The following MYT1L variants were observed in gnomAD, a reference collection of about 807,000 sequenced individuals.
The protein encoded by MYT1L is myelin transcription factor 1-like protein.
MYT1L carries 12 observed loss-of-function variants against 126.7 expected under a neutral mutation model. The ratio of observed to expected loss-of-function variants is 0.09; its 90% CI spans 0.06 to 0.15. The LOEUF (loss-of-function observed/expected upper bound fraction) is 0.15. Ranked by LOEUF, MYT1L falls within the 10% of genes least tolerant of loss-of-function variation. MYT1L has a pLI of 1.00. For synonymous variants in MYT1L, 541 were observed against 604.2 expected (o/e 0.90, Z 1.53); for missense variants, 979 against 1,585.2 (o/e 0.62, Z 6.49).
intron 2 of MYT1L, among the ~76,000 whole-genome samples, chr2:2,190,066 A>G (rs1327636682): frequency 6.6e-6 from 1 of 152,168 alleles, no homozygotes; most frequent in Admixed American, 6.5e-5. Context: ...TCTCTCCCAT[A>G]GGGCTCATCC....
chr2:2,199,370 G>A (rs2092958288), intron 2 of MYT1L, among the ~76,000 whole-genome samples: 1 of 152,196 alleles, frequency 6.6e-6, no homozygotes, highest in African/African-American at 2.4e-5. Flanking sequence ...CTTCTTGCCG[G>A]CCACAATTTG....
At chr2:2,039,974 G>A (rs1466215219) in intron 4 of MYT1L, among the ~76,000 whole-genome samples, 4 of 152,180 alleles carry the variant, frequency 2.6e-5, no homozygotes, top group African/African-American at 4.8e-5. Flanking sequence ...ACGTGATAGA[G>A]TCATAGAAAG....
intron 2 of MYT1L, among the ~76,000 whole-genome samples, chr2:2,223,636 A>G (rs1559382584): frequency 6.6e-6 from 1 of 152,150 alleles, no homozygotes; most frequent in Admixed American, 6.5e-5. Flanking sequence ...TTGCCCTCAT[A>G]TTTTTTTACA....
At chr2:2,027,896 G>A (rs1406937126) in intron 4 of MYT1L, among the ~76,000 whole-genome samples, 2 of 152,214 alleles carry the variant, frequency 1.3e-5, no homozygotes, top group Admixed American at 6.5e-5. Flanking sequence ...CAGCTAAGGT[G>A]ATTTTTACTT....
intron 8 of MYT1L, among the ~76,000 whole-genome samples, chr2:1,970,063 A>C (rs752900490): frequency 6.6e-5 from 10 of 152,154 alleles, no homozygotes; most frequent in Non-Finnish European, 8.8e-5. Flanking sequence ...TAATTTTGGC[A>C]GGAAGAGAAT....
At chr2:2,293,709 G>C (rs963775724) in intron 1 of MYT1L, among the ~76,000 whole-genome samples, 7 of 152,208 alleles carry the variant, frequency 4.6e-5, no homozygotes, top group Admixed American at 4.6e-4. Context: ...GGAAGGACCT[G>C]CCCCTCGGCC....
chr2:1,957,599 TTATCTATC>T (rs113803976), intron 8 of MYT1L, among the ~76,000 whole-genome samples: 1 of 151,876 alleles, frequency 6.6e-6, no homozygotes, highest in African/African-American at 2.4e-5. Context: ...TATCTATCTA[TTATCTATC>T]TATCTATCTA....
intron 14 of MYT1L, among the ~76,000 whole-genome samples, chr2:1,898,786 G>A (rs1224659676): frequency 1.3e-5 from 2 of 152,208 alleles, no homozygotes; most frequent in East Asian, 3.9e-4. Context: ...CAGGTAGAGA[G>A]GCCATGGGGA....
rs1158564360 is a variant in MYT1L, at chr2:2,059,882, ACT to A, written c.-303-5761_-303-5760del. Among the ~76,000 whole-genome samples the A allele has an allele frequency of 2.0e-5, 3 of 151,986 alleles. No individual in the cohort carries two copies. Among genetic ancestry groups the A allele is most frequent in the East Asian group, 1.9e-4 (1 of 5,154 alleles). On this transcript the variant is annotated intron_variant, in intron 3 of 24. Transcript: ENST00000647738. This position sits in a 1 kb window ranked among gnomAD's most constrained non-coding sequence, Gnocchi z 4.7. ...CATCTTGTGTTATGGTTTTCTCTTG[ACT>A]CTGTCAGAGAATTTAGCATACCATG...
At chr2:1,964,340 T>C (rs2059173770) in intron 8 of MYT1L, among the ~76,000 whole-genome samples, 1 of 152,182 alleles carries the variant, frequency 6.6e-6, no homozygotes, top group Non-Finnish European at 1.5e-5. Flanking sequence ...ATGAAAAGGT[T>C]TGAAATATTG....
At position 1,902,834 on chromosome 2, in the gene MYT1L, C is replaced by A. The variant is rs556328829; in HGVS notation, c.2032+246G>T. 3.6e-4 allele frequency: 182 copies of A among 511,188 alleles called. No individual in the cohort carries two copies. The South Asian group carries it at 3.9e-3, about 11-fold the overall frequency. The allele number at this position is 511,188 out of a possible 1,614,324, so 31.7% of individuals were successfully genotyped here. A position where few individuals can be genotyped will look rare whatever the true frequency, so the allele number is the denominator to read the frequency against. ...CTCCCTCTCCACATTCCACGAGCAG[C>A]CGAGTGCGCTGTCTCGGAATTATTG... On this transcript the variant is annotated intron_variant, in intron 14 of 24. Transcript: ENST00000647738.
At position 1,892,044 on chromosome 2, in the gene MYT1L, G is replaced by A. The variant is rs1288106433; in HGVS notation, c.2276C>T (p.Ala759Val). ...NLSTKPQDLC[A>V]TRNPDMEVDE... is the part of the protein sequence containing the mutation. ...CTGCCCAGGCGCGCGTACCCGCGTG[G>A]CGCACAGGTCCTGCGGCTTGGTGCT... The change falls in exon 15 of 25, where the codon GCC becomes GTC. Residue 759 changes from alanine to valine, a missense_variant. Physicochemically the swap from Ala to Val is moderately conservative, Grantham distance 64. Coordinates refer to ENST00000647738, the MANE Select transcript of MYT1L (RefSeq NM_001303052.2). The A allele has an allele frequency of 6.5e-7, 1 of 1,530,224 alleles. No homozygotes were observed. Among genetic ancestry groups the A allele is most frequent in the Non-Finnish European group, 8.8e-7 (1 of 1,140,206 alleles). 94.8% of individuals were successfully genotyped at this position (1,530,224 alleles called of 1,614,324 possible).
At chr2:2,315,463 A>AT (rs2096050295) in intron 1 of MYT1L, among the ~76,000 whole-genome samples, 1 of 152,172 alleles carries the variant, frequency 6.6e-6, no homozygotes, top group Admixed American at 6.5e-5. Flanking sequence ...ATGTTTACTT[A>AT]TTTTATGATT....
At chr2:2,077,181 G>A (rs1208098257) in intron 3 of MYT1L, among the ~76,000 whole-genome samples, 2 of 152,064 alleles carry the variant, frequency 1.3e-5, no homozygotes. Flanking sequence ...GAACAGAAAT[G>A]AAGATAGCCT....
At chr2:2,121,988 G>A (rs923245760) in intron 3 of MYT1L, among the ~76,000 whole-genome samples, 2 of 152,278 alleles carry the variant, frequency 1.3e-5, no homozygotes, top group Middle Eastern at 3.4e-3. Context: ...GCTGCTCCCC[G>A]CACCCCTGAC....
intron 4 of MYT1L, among the ~76,000 whole-genome samples, chr2:2,017,331 C>A (rs1299664880): frequency 6.6e-6 from 1 of 152,194 alleles, no homozygotes; most frequent in East Asian, 1.9e-4. Flanking sequence ...ATCTAATTAC[C>A]CAATGGCATA....
chr2:1,852,864 G>T lies in MYT1L; in HGVS notation c.2712-1161C>A, dbSNP rs183370422. 1.4e-3 allele frequency among the ~76,000 whole-genome samples: 218 copies of T among 152,262 alleles called. 2 individuals carry two copies. The highest frequency in any genetic ancestry group is 5.0e-3 in the African/African-American group (209 of 41,546). ...AAAAATATTTTAATACATGTCTACT[G>T]CTCCTAGAGATTTCAATTTGCTTTC... On this transcript the variant is annotated intron_variant, in intron 18 of 24. Coordinates refer to ENST00000647738, the MANE Select transcript of MYT1L (RefSeq NM_001303052.2). The surrounding 1 kb of genome is among the most constrained non-coding windows in gnomAD (Gnocchi z 4.0).
chr2:1,930,263 G>A lies in MYT1L; in HGVS notation c.506-7000C>T, dbSNP rs116708555. ...TTGATTGGAAAGCCCACTTCTGGGCGCCCCGATTCTTTCACTGAACTGCTG... is the reference window on the plus strand; with the variant it reads ...TTGATTGGAAAGCCCACTTCTGGGCACCCCGATTCTTTCACTGAACTGCTG... On this transcript the variant is annotated intron_variant, in intron 9 of 24. Coordinates refer to ENST00000647738, the MANE Select transcript of MYT1L (RefSeq NM_001303052.2). Among the ~76,000 whole-genome samples, 829 of 152,294 alleles carry A rather than the reference G, an allele frequency of 5.4e-3. 4 individuals carry two copies. Among genetic ancestry groups the A allele is most frequent in the African/African-American group, 0.018 (767 of 41,544 alleles).
At chr2:2,157,520 A>T (rs973955584) in intron 3 of MYT1L, among the ~76,000 whole-genome samples, 1 of 152,102 alleles carries the variant, frequency 6.6e-6, no homozygotes, top group Non-Finnish European at 1.5e-5. Flanking sequence ...TTTCATTACA[A>T]TTTTCACAAA....
Sources: allele counts gnomAD v4.1 joint callset (sites outside exome capture counted in the v4.1 genomes callset), GRCh38; gene constraint gnomAD v4.1.1; non-coding constraint Gnocchi (gnomAD v3.1); transcripts MANE v1.5; gene names NCBI Gene and HGNC (gene_info 2026-07-23, HGNC 2026-07-21).